ITFG1: variants seen among roughly 807,000 people sequenced by gnomAD.
ITFG1 encodes the protein T-cell immunomodulatory protein.
ITFG1 carries 34 observed loss-of-function variants against 81.8 expected under a neutral mutation model. The ratio of observed to expected loss-of-function variants is 0.42; its 90% CI spans 0.32 to 0.55. The LOEUF (loss-of-function observed/expected upper bound fraction) is 0.55, where lower values mean the gene tolerates loss of function less well. Among genes scored for constraint, ITFG1 ranks in the 20% least tolerant of loss-of-function variants. The pLI is 0.17. For missense variants in ITFG1, 672 were observed against 755.4 expected (o/e 0.89, Z 1.29); for synonymous variants, 285 against 270.6 (o/e 1.05, Z -0.52).
At chr16:47,299,064 G>A (rs1967030995) in intron 10 of ITFG1, among the ~76,000 whole-genome samples, 1 of 152,118 alleles carries the variant, frequency 6.6e-6, no homozygotes. Flanking sequence ...ATCTGCTGAG[G>A]TCTCCGCTTG....
At chr16:47,175,896 G>A (rs1251156433) in intron 14 of ITFG1, among the ~76,000 whole-genome samples, 2 of 152,174 alleles carry the variant, frequency 1.3e-5, no homozygotes, top group East Asian at 1.9e-4. Flanking sequence ...GAGTACAGGT[G>A]TGTACCACTG....
chr16:47,442,624 A>G (rs576920352), intron 5 of ITFG1, among the ~76,000 whole-genome samples: 1 of 152,334 alleles, frequency 6.6e-6, no homozygotes, highest in African/African-American at 2.4e-5. Flanking sequence ...GATCTTTGAC[A>G]AACCTGACAA....
At chr16:47,378,468 AT>A (rs1286731146) in intron 6 of ITFG1, among the ~76,000 whole-genome samples, 1 of 152,066 alleles carries the variant, frequency 6.6e-6, no homozygotes, top group Non-Finnish European at 1.5e-5. Context: ...CAATTCAAAA[AT>A]TTTTTTCCAC....
At chr16:47,213,874 C>T (rs567777523) in intron 14 of ITFG1, among the ~76,000 whole-genome samples, 2 of 152,248 alleles carry the variant, frequency 1.3e-5, no homozygotes, top group South Asian at 4.1e-4. Context: ...TAAGCCAGTA[C>T]ATGTAAGTAA....
chr16:47,380,458 G>A (rs1968382243), intron 6 of ITFG1, among the ~76,000 whole-genome samples: 1 of 152,192 alleles, frequency 6.6e-6, no homozygotes, highest in South Asian at 2.1e-4. Flanking sequence ...AAATTACAGT[G>A]TAAACTTAGC....
At chr16:47,226,262 T>A (rs181432798) in intron 13 of ITFG1, among the ~76,000 whole-genome samples, 132 of 152,306 alleles carry the variant, frequency 8.7e-4, no homozygotes, top group African/African-American at 3.0e-3. Context: ...CAGGCTGGAG[T>A]GCAGCGGTGC....
intron 14 of ITFG1, among the ~76,000 whole-genome samples, chr16:47,205,602 T>C (rs1292509282): frequency 1.3e-5 from 2 of 152,200 alleles, no homozygotes; most frequent in Non-Finnish European, 2.9e-5. Flanking sequence ...TATGAGCTTC[T>C]AGCCTTCTGA....
At chr16:47,435,581 C>T (rs1055286962) in intron 5 of ITFG1, among the ~76,000 whole-genome samples, 4 of 152,140 alleles carry the variant, frequency 2.6e-5, no homozygotes, top group Non-Finnish European at 1.5e-5. Context: ...CTTTTGGTTG[C>T]CTGTGGTAAC....
At chr16:47,362,260 T>C (rs1262529091) in intron 8 of ITFG1, among the ~76,000 whole-genome samples, 2 of 152,140 alleles carry the variant, frequency 1.3e-5, no homozygotes, top group African/African-American at 2.4e-5. Context: ...ATACTGCATT[T>C]TAAGACTGTT....
rs943072287 is a variant in ITFG1 at position 47,461,031 on chromosome 16, G to C, written c.15C>G (p.Gly5=). MAAA[G]RLPSSWALFS... is the part of the protein sequence containing the mutation. ...AGAGGGCCCAGGAGCTCGGGAGCCG[G>C]CCCGCCGCCGCCATGGCAGCCCCTC... Residue 5 remains glycine, a synonymous_variant, in exon 1 of 18, where the codon GGC becomes GGG. Coordinates refer to ENST00000320640, the MANE Select transcript of ITFG1 (RefSeq NM_030790.5). 5.8e-6 allele frequency: 9 copies of C among 1,540,330 alleles called. No individual in the cohort carries two copies. The Admixed American group carries it at 1.2e-4, about 20-fold the overall frequency.
chr16:47,437,230 C>T (rs1969178348), intron 5 of ITFG1, among the ~76,000 whole-genome samples: 1 of 152,012 alleles, frequency 6.6e-6, no homozygotes, highest in Non-Finnish European at 1.5e-5. Context: ...ACTCAGGAGG[C>T]TGAGGTGGGA....
At position 47,452,752 on chromosome 16, in the gene ITFG1, C is replaced by A; in HGVS notation, c.466G>T (p.Asp156Tyr). 6 of 1,589,338 alleles carry A rather than the reference C, an allele frequency of 3.8e-6. No homozygotes were observed. The highest frequency in any genetic ancestry group is 5.2e-6 in the Non-Finnish European group (6 of 1,164,876). Reference sequence around the variant, plus strand: ...ACTTACTCCATAATTAGTGGCTCATCTTGAAAAGTCCTATTGAGTATGGTC... The same window carrying A: ...ACTTACTCCATAATTAGTGGCTCATATTGAAAAGTCCTATTGAGTATGGTC... Reference protein sequence around the residue: ...NMTILNRTFQDEPLIMDFNGD... With the variant: ...NMTILNRTFQYEPLIMDFNGD... The change falls in exon 4 of 18, where the codon GAT becomes TAT. Residue 156 changes from aspartate to tyrosine, a missense_variant. By Grantham distance (160) the Asp-to-Tyr change is radical (BLOSUM62 -3). Transcript: ENST00000320640.
chr16:47,198,124 C>T (rs149180187), intron 14 of ITFG1, among the ~76,000 whole-genome samples: 105 of 152,258 alleles, frequency 6.9e-4, no homozygotes, highest in African/African-American at 2.4e-3. Context: ...CAAAATTATT[C>T]GGCCATCAAC....
chr16:47,324,254 A>T (rs1169955068), intron 8 of ITFG1, among the ~76,000 whole-genome samples: 1 of 151,946 alleles, frequency 6.6e-6, no homozygotes, highest in East Asian at 1.9e-4. Context: ...TAAGTGAAGG[A>T]GAAATAAAAT....
intron 12 of ITFG1, among the ~76,000 whole-genome samples, chr16:47,248,865 T>C (rs1204963158): frequency 6.6e-6 from 1 of 152,146 alleles, no homozygotes; most frequent in Admixed American, 6.5e-5. Flanking sequence ...AAAAGGGAAA[T>C]TTAACAGGAC....
At chr16:47,187,829 T>C (rs1965241188) in intron 14 of ITFG1, among the ~76,000 whole-genome samples, 1 of 151,998 alleles carries the variant, frequency 6.6e-6, no homozygotes, top group African/African-American at 2.4e-5. Flanking sequence ...ACAGGCAACC[T>C]ACAAAATGGG....
rs748203635 is a variant in ITFG1 at position 47,259,844 on chromosome 16, C to T, written c.1221+701G>A. Reference sequence around the variant, plus strand: ...AGTCACAAGAATCTGTGGAAATAGACGCTACTCTGCGTCACAAAGATAAAA... The same window carrying T: ...AGTCACAAGAATCTGTGGAAATAGATGCTACTCTGCGTCACAAAGATAAAA... On this transcript the variant is annotated intron_variant, in intron 11 of 17. Coordinates refer to ENST00000320640, the MANE Select transcript of ITFG1 (RefSeq NM_030790.5). 1.1e-4 allele frequency among the ~76,000 whole-genome samples: 16 copies of T among 152,012 alleles called. 1 individual carries two copies. Among genetic ancestry groups the T allele is most frequent in the South Asian group, 6.2e-4 (3 of 4,824 alleles).
At chr16:47,355,603 AATGT>A (rs1483974276) in intron 8 of ITFG1, among the ~76,000 whole-genome samples, 1 of 152,216 alleles carries the variant, frequency 6.6e-6, no homozygotes, top group African/African-American at 2.4e-5. Context: ...AACGTTACAC[AATGT>A]ATACATGTAT....
chr16:47,459,077 AT>A, intron 2 of ITFG1, 25 bp downstream of exon 2: 1 of 1,350,200 alleles, frequency 7.4e-7, no homozygotes, highest in Non-Finnish European at 1.1e-6. Flanking sequence ...CTAAAGTTTT[AT>A]CAAAATAATC....
Sources: allele counts gnomAD v4.1 joint callset (sites outside exome capture counted in the v4.1 genomes callset), GRCh38; gene constraint gnomAD v4.1.1; transcripts MANE v1.5; gene names NCBI Gene and HGNC (gene_info 2026-07-23, HGNC 2026-07-21).